Variants in EHD3 observed in about 807,000 individuals in gnomAD.
EHD3 encodes the protein EH domain-containing protein 3.
EHD3 carries 17 observed loss-of-function variants against 43.0 expected under a neutral mutation model. The ratio of observed to expected loss-of-function variants is 0.40; its 90% CI spans 0.27 to 0.59. The LOEUF (loss-of-function observed/expected upper bound fraction) is 0.59. Among genes scored for constraint, EHD3 ranks in the 20% least tolerant of loss-of-function variants. EHD3 has a pLI of 0.49. For missense variants in EHD3, 594 were observed against 705.6 expected, an observed-to-expected ratio of 0.84 and a Z score of 1.79; for synonymous variants, 313 against 289.5, an observed-to-expected ratio of 1.08 and a Z score of -0.82.
rs567421460 is a variant in EHD3, at chr2:31,264,235, G to A, written c.1081-1942G>A. 2.0e-5 allele frequency among the ~76,000 whole-genome samples: 3 copies of A among 152,318 alleles called. No homozygotes were observed. The South Asian group carries it at 6.2e-4, about 32-fold the overall frequency. The stretch of plus-strand genomic sequence containing the variant: ...GCATGTGACTGTACTGAAGGCTGTA[G>A]GCAATTGTAACACCATGTATTTGTG... On this transcript the variant is annotated intron_variant, in intron 5 of 5. Coordinates refer to ENST00000322054, the MANE Select transcript of EHD3 (RefSeq NM_014600.3).
intron 3 of EHD3, among the ~76,000 whole-genome samples, chr2:31,254,050 GC>G (rs1161509720): frequency 6.6e-6 from 1 of 152,138 alleles, no homozygotes; most frequent in Admixed American, 6.5e-5. Context: ...ATCACAGACT[GC>G]ACAGCTTGAA....
At position 31,247,781 on chromosome 2, in the gene EHD3, A is replaced by G. The variant is rs181340964; in HGVS notation, c.405-1590A>G. Among the ~76,000 whole-genome samples the G allele has an allele frequency of 6.4e-3, 969 of 152,328 alleles. 11 individuals carry two copies. The highest frequency in any genetic ancestry group is 0.022 in the African/African-American group (932 of 41,560). Reference sequence around the variant, plus strand: ...AGGCCTGACGAGGCCTTTGTGGGAAAGTTGGCATTTGACCCTGACATTAAA... The same window carrying G: ...AGGCCTGACGAGGCCTTTGTGGGAAGGTTGGCATTTGACCCTGACATTAAA... On this transcript the variant is annotated intron_variant, in intron 2 of 5. Coordinates refer to ENST00000322054, the MANE Select transcript of EHD3 (RefSeq NM_014600.3).
chr2:31,264,957 T>C (rs1572474873), intron 5 of EHD3, among the ~76,000 whole-genome samples: 1 of 152,228 alleles, frequency 6.6e-6, no homozygotes, highest in East Asian at 1.9e-4. Context: ...TATTTTTTAC[T>C]TTTTTATTTT....
At chr2:31,238,592 C>T (rs1445214201) in intron 1 of EHD3, among the ~76,000 whole-genome samples, 1 of 152,232 alleles carries the variant, frequency 6.6e-6, no homozygotes, top group African/African-American at 2.4e-5. Flanking sequence ...AGTACAGTAG[C>T]TCTGTGTCCC....
intron 1 of EHD3, among the ~76,000 whole-genome samples, chr2:31,236,613 G>C (rs937239437): frequency 2.0e-5 from 3 of 152,340 alleles, no homozygotes; most frequent in African/African-American, 7.2e-5. Context: ...GCCATTTGCA[G>C]ATGGCCCTTG....
intron 3 of EHD3, among the ~76,000 whole-genome samples, chr2:31,251,118 G>A (rs574036774): frequency 2.3e-3 from 353 of 152,364 alleles, no homozygotes; most frequent in African/African-American, 7.8e-3. Context: ...AGGCCCAAGT[G>A]GTGCAGGCCC....
At chr2:31,252,079 C>A (rs1057494389) in intron 3 of EHD3, among the ~76,000 whole-genome samples, 3 of 152,176 alleles carry the variant, frequency 2.0e-5, no homozygotes, top group Admixed American at 6.5e-5. Context: ...CCAGCCTCTG[C>A]GGTTTCCAAG....
intron 2 of EHD3, among the ~76,000 whole-genome samples, chr2:31,245,863 G>A (rs896055727): frequency 2.0e-5 from 3 of 150,672 alleles, no homozygotes; most frequent in Non-Finnish European, 2.9e-5. Flanking sequence ...TTACAGGCGT[G>A]AGCCACCGTG....
At position 31,266,409 on chromosome 2, in the gene EHD3, A is replaced by T; in HGVS notation, c.1313A>T (p.Glu438Val). Residue 438 changes from glutamate (E) to valine (V), a missense_variant, in exon 6 of 6, where the codon GAG (glutamate) becomes GTG (valine). This residue lies in a region of EHD3 where 322 missense variants were observed against 348.0 expected (regional missense o/e 0.93). Coordinates refer to ENST00000322054, the MANE Select transcript of EHD3 (RefSeq NM_014600.3). The surrounding 1 kb of genome is among the most constrained non-coding windows in gnomAD (Gnocchi z 5.1). Reference sequence around the variant, plus strand: ...GCTGGAGAAGGTATCGATGATGCTGAGTGGGTGGTGGCCAGGGACAAGCCC... The same window carrying T: ...GCTGGAGAAGGTATCGATGATGCTGTGTGGGTGGTGGCCAGGGACAAGCCC... Reference protein sequence around the residue: ...EGAGEGIDDAEWVVARDKPMY... With the variant: ...EGAGEGIDDAVWVVARDKPMY... 6.2e-7 allele frequency: 1 copy of T among 1,613,984 alleles called. No homozygotes were observed. The highest frequency in any genetic ancestry group is 8.5e-7 in the Non-Finnish European group (1 of 1,179,936).
chr2:31,238,776 G>A (rs990794645), intron 1 of EHD3, among the ~76,000 whole-genome samples: 1 of 152,216 alleles, frequency 6.6e-6, no homozygotes, highest in African/African-American at 2.4e-5. Flanking sequence ...GTGAGTAGCT[G>A]GCTGCTCCAG....
chr2:31,264,392 G>A (rs937346966), intron 5 of EHD3, among the ~76,000 whole-genome samples: 6 of 152,146 alleles, frequency 3.9e-5, no homozygotes, highest in Non-Finnish European at 8.8e-5. Context: ...TGAGTGAGTG[G>A]TGAGTGAGTG....
intron 3 of EHD3, among the ~76,000 whole-genome samples, chr2:31,249,989 A>G (rs1004829346): frequency 2.6e-5 from 4 of 152,110 alleles, no homozygotes; most frequent in Admixed American, 1.3e-4. Context: ...TGGTGGTTAG[A>G]AGACAGAACT....
intron 5 of EHD3, among the ~76,000 whole-genome samples, chr2:31,262,852 T>C (rs929148335): frequency 6.6e-6 from 1 of 152,132 alleles, no homozygotes; most frequent in Non-Finnish European, 1.5e-5. Flanking sequence ...GAGTCAGAGG[T>C]TGCAGTGAGC....
chr2:31,251,292 G>A (rs1439078697), intron 3 of EHD3, among the ~76,000 whole-genome samples: 1 of 152,230 alleles, frequency 6.6e-6, no homozygotes, highest in Non-Finnish European at 1.5e-5. Context: ...GCCTGTGTGT[G>A]AGCTGCCATG....
chr2:31,249,459 A>C lies in EHD3; in HGVS notation c.493A>C (p.Ile165Leu), dbSNP rs1216202461. Reference sequence around the variant, plus strand: ...GATCCTCTCTGGGGAGAAGCAGAGGATCAGCCGGGGTAAGCAACCTGCCTG... The same window carrying C: ...GATCCTCTCTGGGGAGAAGCAGAGGCTCAGCCGGGGTAAGCAACCTGCCTG... ...PGILSGEKQR[I>L]SRGYDFAAVL... The change falls in exon 3 of 6, where the codon ATC becomes CTC. Residue 165 changes from isoleucine to leucine, a missense_variant. This residue lies in a region of EHD3 where 243 missense variants were observed against 296.7 expected (regional missense o/e 0.82). Coordinates refer to ENST00000322054, the MANE Select transcript of EHD3 (RefSeq NM_014600.3). 1 of 1,614,102 alleles carries C rather than the reference A, an allele frequency of 6.2e-7. No homozygotes were observed. Among genetic ancestry groups the C allele is most frequent in the East Asian group, 2.2e-5 (1 of 44,872 alleles).
Position 31,261,608 on chromosome 2 carries a change from C to T in EHD3, c.975C>T (p.Asp325=). Reference sequence around the variant, plus strand: ...AGATGCCCTCGGTGTTCGGGAAGGACAACAAGAAGAAGGAGCTGGTCAACA... The same window carrying T: ...AGATGCCCTCGGTGTTCGGGAAGGATAACAAGAAGAAGGAGCTGGTCAACA... ...KKEMPSVFGK[D]NKKKELVNNL... The change falls in exon 5 of 6, where the codon GAC becomes GAT. Residue 325 remains aspartate, a synonymous_variant. Transcript: ENST00000322054. 1.9e-6 allele frequency: 3 copies of T among 1,614,180 alleles called. No individual in the cohort carries two copies. The highest frequency in any genetic ancestry group is 2.5e-6 in the Non-Finnish European group (3 of 1,180,034).
rs1415009298 is a variant in EHD3 at position 31,269,437 on chromosome 2, T to G, written c.*2733T>G. On this transcript the variant is annotated 3_prime_UTR_variant, in exon 6 of 6. Transcript: ENST00000322054. ...TAAAGTCTGATACCAATAAAGTGAA[T>G]GTATTCCAAAGCTAGCTTGGAGGAG... 1 of 152,158 alleles carries G rather than the reference T, an allele frequency of 6.6e-6. No individual in the cohort carries two copies. The highest frequency in any genetic ancestry group is 1.5e-5 in the Non-Finnish European group (1 of 68,034). 9.4% of individuals were successfully genotyped at this position (152,158 alleles called of 1,614,324 possible). A position where few individuals can be genotyped will look rare whatever the true frequency, so the allele number is the denominator to read the frequency against.
intron 3 of EHD3, among the ~76,000 whole-genome samples, chr2:31,251,680 G>A (rs1398168740): frequency 2.0e-5 from 3 of 152,124 alleles, no homozygotes; most frequent in African/African-American, 4.8e-5. Flanking sequence ...GGGCTGTATG[G>A]TGGAGGTGAT....
chr2:31,261,840 AGGTGGC>A, intron 5 of EHD3, 127 bp downstream of exon 5: 1 of 1,054,576 alleles, frequency 9.5e-7, no homozygotes, highest in South Asian at 2.5e-5. Context: ...GCAGGCAAGG[AGGTGGC>A]CCTGGATCTA....
Sources: gnomAD v4.1 joint callset for allele counts (sites outside exome capture counted in the v4.1 genomes callset) on GRCh38, gnomAD v4.1.1 for gene constraint, gnomAD v4.1.1 regional missense constraint, Gnocchi (gnomAD v3.1) non-coding constraint, MANE v1.5 for transcripts, NCBI Gene and HGNC (gene_info 2026-07-23, HGNC 2026-07-21) for gene names.